L3MBTL3: variants seen among roughly 807,000 people sequenced by gnomAD.
L3MBTL3 encodes the protein lethal(3)malignant brain tumor-like protein 3.
L3MBTL3 carries 27 observed loss-of-function variants against 102.3 expected under a neutral mutation model. The ratio of observed to expected loss-of-function variants is 0.26; its 90% CI spans 0.19 to 0.36. The LOEUF (loss-of-function observed/expected upper bound fraction) is 0.36. L3MBTL3 is among the 10% of genes least tolerant of loss of function. The pLI is 1.00. For missense variants in L3MBTL3, 798 were observed against 955.3 expected (o/e 0.84, Z 2.17); for synonymous variants, 340 against 320.9 (o/e 1.06, Z -0.64).
intron 1 of L3MBTL3, among the ~76,000 whole-genome samples, chr6:130,018,889 A>G (rs1778733852): frequency 6.6e-6 from 1 of 152,014 alleles, no homozygotes; most frequent in African/African-American, 2.4e-5. Context: ...AATCCCGGGG[A>G]AAAAAGTGGG....
chr6:130,045,082 T>C (rs1220647656), intron 3 of L3MBTL3, among the ~76,000 whole-genome samples: 7 of 152,204 alleles, frequency 4.6e-5, no homozygotes. Flanking sequence ...ACTTTTCCTG[T>C]AAAATCCCCA....
At chr6:130,116,189 T>A (rs1320067295) in intron 19 of L3MBTL3, among the ~76,000 whole-genome samples, 1 of 152,212 alleles carries the variant, frequency 6.6e-6, no homozygotes, top group East Asian at 1.9e-4. Flanking sequence ...AATTTATAAC[T>A]AGGAATAGCT....
chr6:130,081,789 C>G (rs561564998), intron 14 of L3MBTL3, among the ~76,000 whole-genome samples: 2 of 152,212 alleles, frequency 1.3e-5, no homozygotes, highest in South Asian at 4.1e-4. Flanking sequence ...GTTGCAAGAA[C>G]AGTGCAAAAC....
intron 20 of L3MBTL3, among the ~76,000 whole-genome samples, chr6:130,121,331 T>A (rs1198672571): frequency 6.6e-6 from 1 of 152,212 alleles, no homozygotes; most frequent in Non-Finnish European, 1.5e-5. Flanking sequence ...GCAGTACTTT[T>A]TTTTCTGTTC....
chr6:130,096,463 ATGT>A (rs1468257687), intron 18 of L3MBTL3, among the ~76,000 whole-genome samples: 1 of 152,242 alleles, frequency 6.6e-6, no homozygotes, highest in African/African-American at 2.4e-5. Flanking sequence ...TACTAACAGT[ATGT>A]TGTTGAGGTG....
intron 1 of L3MBTL3, among the ~76,000 whole-genome samples, chr6:130,019,901 C>G (rs1778837548): frequency 7.1e-6 from 1 of 140,460 alleles, no homozygotes; most frequent in Non-Finnish European, 1.6e-5. Flanking sequence ...GAGCCCGCGC[C>G]GTCGCGGCGT....
At chr6:130,021,084 C>G (rs1778982387) in intron 1 of L3MBTL3, among the ~76,000 whole-genome samples, 1 of 152,008 alleles carries the variant, frequency 6.6e-6, no homozygotes, top group Non-Finnish European at 1.5e-5. Context: ...GTCCGAGAGG[C>G]TCTATGCTGG....
chr6:130,057,306 A>G, intron 8 of L3MBTL3, 100 bp from the exon 9 acceptor site: 1 of 863,224 alleles, frequency 1.2e-6, no homozygotes, highest in South Asian at 1.4e-5. Context: ...GTCAGAGAAG[A>G]GCCAGGCAGC....
intron 19 of L3MBTL3, among the ~76,000 whole-genome samples, chr6:130,108,231 G>GTTTTTTTTTTTT (rs869221525): frequency 4.9e-4 from 45 of 91,022 alleles, no homozygotes; most frequent in South Asian, 1.3e-3. Flanking sequence ...TTTTTTTTTT[G>GTTTTTTTTTTTT]TTTTTTTTTT....
At position 130,019,452 on chromosome 6, in the gene L3MBTL3, CGA is replaced by C. The variant is rs902694203; in HGVS notation, c.-95+791_-95+792del. On this transcript the variant is annotated intron_variant, in intron 1 of 22. Transcript: ENST00000361794. ...GAGCGAGCGAGCGGGCGGGCGAGCG[CGA>C]GAAGTACAAGTACGGGAGACCGAGG... 235 of 152,112 alleles carry C rather than the reference CGA, an allele frequency of 1.5e-3. 1 individual carries two copies. Among genetic ancestry groups the C allele is most frequent in the Non-Finnish European group, 2.7e-3 (186 of 68,116 alleles). The allele number at this position is 152,112 out of a possible 1,614,324, so 9.4% of individuals were successfully genotyped here.
At chr6:130,099,423 A>G (rs924811076) in intron 18 of L3MBTL3, among the ~76,000 whole-genome samples, 10 of 152,218 alleles carry the variant, frequency 6.6e-5, no homozygotes, top group African/African-American at 2.2e-4. Context: ...GTGAGAACCA[A>G]CTTTTTCCAT....
At chr6:130,087,812 G>A (rs1347343126) in intron 16 of L3MBTL3, among the ~76,000 whole-genome samples, 3 of 151,574 alleles carry the variant, frequency 2.0e-5, no homozygotes, top group East Asian at 1.9e-4. Flanking sequence ...GAAAAATTCA[G>A]GTTTACATTA....
At chr6:130,130,333 A>C (rs1010979186) in intron 20 of L3MBTL3, among the ~76,000 whole-genome samples, 1 of 152,238 alleles carries the variant, frequency 6.6e-6, no homozygotes, top group Admixed American at 6.5e-5. Context: ...TTAATAGAAC[A>C]TAAACAGTAA....
intron 8 of L3MBTL3, among the ~76,000 whole-genome samples, chr6:130,057,000 T>G (rs1781550008): frequency 6.6e-6 from 1 of 152,216 alleles, no homozygotes; most frequent in Non-Finnish European, 1.5e-5. Flanking sequence ...CTATACTGAT[T>G]GTTTTCCTTC....
At chr6:130,059,120 G>C (rs1781724118) in intron 9 of L3MBTL3, among the ~76,000 whole-genome samples, 1 of 151,992 alleles carries the variant, frequency 6.6e-6, no homozygotes, top group Non-Finnish European at 1.5e-5. Context: ...AATCAGTAAT[G>C]AATGCATGTG....
Position 130,070,960 on chromosome 6 carries a change from C to G in L3MBTL3, c.1093-16C>G, listed in dbSNP as rs188997558. 6 of 1,609,054 alleles carry G rather than the reference C, an allele frequency of 3.7e-6. No individual in the cohort carries two copies. In the East Asian group the frequency reaches 1.1e-4, roughly 30 times the overall value. ...AGTGTGTGCTTATCTCTAATTAAAT[C>G]TGTGTGTTTCCATAGACAGTGATCC... On this transcript the variant is annotated splice_polypyrimidine_tract_variant and intron_variant, in intron 12 of 22. Coordinates refer to ENST00000361794, the MANE Select transcript of L3MBTL3 (RefSeq NM_032438.4).
In L3MBTL3 at chr6:130,104,490, A is replaced by AAAAT. The variant is rs768118928; in HGVS notation, c.1801_1802insAAAT (p.Ser601LysfsTer4). 4.4e-5 allele frequency: 70 copies of AAAAT among 1,602,376 alleles called. No homozygotes were observed. The highest frequency in any genetic ancestry group is 5.7e-5 in the Non-Finnish European group (67 of 1,174,608). Reference sequence around the variant, plus strand: ...AGACCGTATTTTTCCAGACCGCTTAAGTGGTGAGATGCCTCCGGCTAGTCC... The same window carrying AAAAT: ...AGACCGTATTTTTCCAGACCGCTTAAAAATGTGGTGAGATGCCTCCGGCTAGTCC... On this transcript the variant is annotated frameshift_variant, in exon 19 of 23. Coordinates refer to ENST00000361794, the MANE Select transcript of L3MBTL3 (RefSeq NM_032438.4). LOFTEE classifies it high-confidence loss of function.
intron 2 of L3MBTL3, among the ~76,000 whole-genome samples, chr6:130,023,961 C>T (rs191550705): frequency 4.3e-4 from 66 of 151,994 alleles, no homozygotes; most frequent in East Asian, 1.5e-3. Context: ...AATACAAAAC[C>T]GGAAATTTAT....
rs1261734945 is a variant in L3MBTL3, at chr6:130,018,616, T to C, written c.-143T>C. 1 of 153,466 alleles carries C rather than the reference T, an allele frequency of 6.5e-6. No homozygotes were observed. Among genetic ancestry groups the C allele is most frequent in the Non-Finnish European group, 1.5e-5 (1 of 68,330 alleles). 9.5% of individuals were successfully genotyped at this position (153,466 alleles called of 1,614,324 possible). On this transcript the variant is annotated 5_prime_UTR_variant, in exon 1 of 23. Transcript: ENST00000361794. ...ATTGCGCCCGCAGCCCTGGACCATT[T>C]GTCAGGACTACTCGTGAGACGGAGA...
Sources: allele counts gnomAD v4.1 joint callset (sites outside exome capture counted in the v4.1 genomes callset), GRCh38; gene constraint gnomAD v4.1.1; transcripts MANE v1.5; gene names NCBI Gene and HGNC (gene_info 2026-07-23, HGNC 2026-07-21).